TMPRSS15: variants seen among roughly 807,000 people sequenced by gnomAD.
The protein encoded by TMPRSS15 is transmembrane serine protease 15.
Under a neutral mutation model 125.3 loss-of-function variants are expected in TMPRSS15, and 128 were observed. The observed-to-expected ratio is 1.02, with a 90% CI of 0.89 to 1.18. TMPRSS15 has a LOEUF of 1.18. TMPRSS15 is among the 50% of genes most tolerant of loss of function. TMPRSS15 has a pLI of 0.00. For missense variants in TMPRSS15, 1,283 were observed against 1,212.7 expected (o/e 1.06, Z -0.86); for synonymous variants, 446 against 423.2 (o/e 1.05, Z -0.66).
At chr21:18,358,623 A>T (rs570393499) in intron 8 of TMPRSS15, among the ~76,000 whole-genome samples, 1 of 151,918 alleles carries the variant, frequency 6.6e-6, no homozygotes, top group South Asian at 2.1e-4. Context: ...CACAAAGAAT[A>T]ATGGTATTAT....
chr21:18,435,338 G>T (rs954358135), intron 1 of TMPRSS15, among the ~76,000 whole-genome samples: 2 of 152,182 alleles, frequency 1.3e-5, no homozygotes, highest in Non-Finnish European at 2.9e-5. Flanking sequence ...TTTTTAGCAT[G>T]AATGGTTGTT....
intron 16 of TMPRSS15, among the ~76,000 whole-genome samples, chr21:18,317,115 T>A (rs2075175514): frequency 6.6e-6 from 1 of 152,230 alleles, no homozygotes; most frequent in Non-Finnish European, 1.5e-5. Context: ...GAGACTCAGT[T>A]CAGGTTAATA....
chr21:18,300,261 CTT>C (rs1279314825), intron 18 of TMPRSS15, among the ~76,000 whole-genome samples: 2 of 149,656 alleles, frequency 1.3e-5, no homozygotes, highest in Admixed American at 6.7e-5. Context: ...TTCTTTCTCT[CTT>C]TCTTTCTCTC....
At chr21:18,422,544 C>T (rs934322871) in intron 1 of TMPRSS15, among the ~76,000 whole-genome samples, 10 of 152,004 alleles carry the variant, frequency 6.6e-5, no homozygotes, top group African/African-American at 2.4e-4. Context: ...ATGTGTAATT[C>T]TAGGAATTTT....
rs537607073 is a variant in TMPRSS15, at chr21:18,422,618, T to C, written c.11-24289A>G. On this transcript the variant is annotated intron_variant, in intron 1 of 7. Coordinates refer to the TMPRSS15 transcript ENST00000422787. Reference sequence around the variant, plus strand: ...TAAACAGTAGTAGCGTGGCAGGTGCTACAATTATTCCCATTTATGAGATGT... The same window carrying C: ...TAAACAGTAGTAGCGTGGCAGGTGCCACAATTATTCCCATTTATGAGATGT... 2.0e-5 allele frequency among the ~76,000 whole-genome samples: 3 copies of C among 152,340 alleles called. No homozygotes were observed. In the East Asian group the frequency reaches 5.8e-4, roughly 29 times the overall value.
chr21:18,343,634 C>T lies in TMPRSS15; in HGVS notation c.1300G>A (p.Val434Ile), dbSNP rs777938605. The change falls in exon 12 of 25, where the codon GTC (valine) becomes ATC (isoleucine). Residue 434 changes from valine (V) to isoleucine (I), a missense_variant. Val to Ile is a conservative substitution (Grantham distance 29). Transcript: ENST00000284885. The stretch of plus-strand genomic sequence containing the variant: ...CTGATATTAATGCTTAATTTATGGA[C>T]ATTTTCACCATACATATGATACCTA... Reference protein sequence around the residue: ...SFWYHMYGENVHKLSINISND... With the variant: ...SFWYHMYGENIHKLSINISND... The T allele has an allele frequency of 1.9e-6, 3 of 1,613,504 alleles. No homozygotes were observed. Among genetic ancestry groups the T allele is most frequent in the Non-Finnish European group, 2.5e-6 (3 of 1,179,770 alleles).
In TMPRSS15 at chr21:18,401,034, A is replaced by G. The variant is rs562677202; in HGVS notation, c.145+2444T>C. Among the ~76,000 whole-genome samples, 4 of 152,348 alleles carry G rather than the reference A, an allele frequency of 2.6e-5. No homozygotes were observed. In the South Asian group the frequency reaches 8.3e-4, roughly 32 times the overall value. On this transcript the variant is annotated intron_variant, in intron 1 of 24. Coordinates refer to ENST00000284885, the MANE Select transcript of TMPRSS15 (RefSeq NM_002772.3). ...TAAATCAAAACCACAATGAGATACC[A>G]TCTCATGCTGGTCGGAATGGCTATT...
chr21:18,444,398 C>T (rs767331599), intron 1 of TMPRSS15, among the ~76,000 whole-genome samples: 2 of 152,138 alleles, frequency 1.3e-5, no homozygotes. Flanking sequence ...AAACCAAACA[C>T]CGCATGTTCT....
In TMPRSS15 at chr21:18,270,111, C is replaced by T; in HGVS notation, c.2918G>A (p.Gly973Glu). ...GTTGTTTTCTTGGCACATTAATGGT[C>T]CTCCTGAATCCCCCTAAAGAGTGAA... ...GIDSCQGDSG[G>E]PLMCQENNRW... The change falls in exon 25 of 25, where the codon GGA (glycine) becomes GAA (glutamate). Residue 973 changes from glycine (G) to glutamate (E), a missense_variant. Physicochemically the swap from Gly to Glu is moderately conservative, Grantham distance 98. Coordinates refer to ENST00000284885, the MANE Select transcript of TMPRSS15 (RefSeq NM_002772.3). 6.2e-7 allele frequency: 1 copy of T among 1,613,814 alleles called. No individual in the cohort carries two copies. Among genetic ancestry groups the T allele is most frequent in the Non-Finnish European group, 8.5e-7 (1 of 1,179,870 alleles).
chr21:18,469,230 G>T (rs1443763872), intron 1 of TMPRSS15, among the ~76,000 whole-genome samples: 3 of 152,124 alleles, frequency 2.0e-5, no homozygotes, highest in Non-Finnish European at 4.4e-5. Context: ...TGTAATAAAA[G>T]AAGGAGATCA....
At chr21:18,395,877 G>A (rs545673619) in intron 3 of TMPRSS15, among the ~76,000 whole-genome samples, 7 of 152,232 alleles carry the variant, frequency 4.6e-5, no homozygotes, top group African/African-American at 1.7e-4. Flanking sequence ...TAATATTCAG[G>A]TTTTATAGGT....
chr21:18,361,050 G>A (rs550949145), intron 7 of TMPRSS15, among the ~76,000 whole-genome samples: 1 of 152,078 alleles, frequency 6.6e-6, no homozygotes, highest in Non-Finnish European at 1.5e-5. Flanking sequence ...ATACTTTGTA[G>A]AAACTAGTGC....
chr21:18,448,622 G>GA (rs1437132815), intron 1 of TMPRSS15, among the ~76,000 whole-genome samples: 1 of 152,080 alleles, frequency 6.6e-6, no homozygotes, highest in Non-Finnish European at 1.5e-5. Context: ...CAGAGTGTAT[G>GA]AAACTTGAAT....
chr21:18,368,400 T>C (rs911372151), intron 6 of TMPRSS15, among the ~76,000 whole-genome samples: 2 of 152,196 alleles, frequency 1.3e-5, no homozygotes, highest in African/African-American at 4.8e-5. Context: ...TGTGACTGAG[T>C]TGGCCGATGA....
intron 14 of TMPRSS15, among the ~76,000 whole-genome samples, chr21:18,330,904 C>T (rs1450093624): frequency 5.9e-5 from 9 of 152,046 alleles, no homozygotes; most frequent in African/African-American, 2.2e-4. Flanking sequence ...AACCCCGTCT[C>T]TACTAAAAAT....
At chr21:18,377,707 C>G (rs925754093) in intron 5 of TMPRSS15, among the ~76,000 whole-genome samples, 1 of 152,058 alleles carries the variant, frequency 6.6e-6, no homozygotes, top group Non-Finnish European at 1.5e-5. Context: ...ATCAATTATA[C>G]ATAATGTGAA....
Position 18,463,285 on chromosome 21 carries a change from G to A in TMPRSS15, c.10+22514C>T, listed in dbSNP as rs993463090. Among the ~76,000 whole-genome samples, 4 of 146,782 alleles carry A rather than the reference G, an allele frequency of 2.7e-5. 1 individual carries two copies. Among genetic ancestry groups the A allele is most frequent in the East Asian group, 3.9e-4 (2 of 5,076 alleles). On this transcript the variant is annotated intron_variant, in intron 1 of 7. Coordinates refer to the TMPRSS15 transcript ENST00000422787. ...AAAAAAAAAAAAAAAAAAGCCGGGG[G>A]TGGGGAGGGTTGCAATCCTAGTCTC...
chr21:18,358,105 C>T (rs1018211194), intron 8 of TMPRSS15, among the ~76,000 whole-genome samples: 1 of 151,728 alleles, frequency 6.6e-6, no homozygotes, highest in Non-Finnish European at 1.5e-5. Flanking sequence ...AGTCACATCT[C>T]TATGGCTAAA....
At chr21:18,363,614 C>A (rs1443207601) in intron 7 of TMPRSS15, among the ~76,000 whole-genome samples, 1 of 152,080 alleles carries the variant, frequency 6.6e-6, no homozygotes, top group Admixed American at 6.6e-5. Context: ...CTACAGCTTT[C>A]TATTGACATT....
Sources: allele counts gnomAD v4.1 joint callset (sites outside exome capture counted in the v4.1 genomes callset), GRCh38; gene constraint gnomAD v4.1.1; transcripts MANE v1.5; gene names NCBI Gene and HGNC (gene_info 2026-07-23, HGNC 2026-07-21).